Variants in SULT1C2 observed in about 807,000 individuals in gnomAD.
SULT1C2 encodes sulfotransferase 1C2.
SULT1C2 carries 27 observed loss-of-function variants against 36.0 expected under a neutral mutation model. The observed-to-expected ratio is 0.75, with a 90% CI of 0.55 to 1.03. The LOEUF (loss-of-function observed/expected upper bound fraction) is 1.03. Ranked by LOEUF, SULT1C2 falls within the 50% of genes least tolerant of loss-of-function variation. SULT1C2 has a pLI of 0.00. For synonymous variants in SULT1C2, 121 were observed against 116.0 expected, an observed-to-expected ratio of 1.04 and a Z score of -0.27; for missense variants, 395 against 359.2, an observed-to-expected ratio of 1.10 and a Z score of -0.80.
At chr2:108,305,343 A>T in intron 6 of SULT1C2, 72 bp from the exon 7 acceptor site, 1 of 1,609,874 alleles carries the variant, frequency 6.2e-7, no homozygotes, top group Non-Finnish European at 8.5e-7. Flanking sequence ...GTTTCAAAGG[A>T]CATCCCAGAG....
At chr2:108,303,845 A>G (rs1346038949) in intron 4 of SULT1C2, 1 of 152,208 alleles carries the variant, frequency 6.6e-6, no homozygotes, top group African/African-American at 2.4e-5. Flanking sequence ...AATGTCCCCT[A>G]GTGGATACAA....
chr2:108,301,481 T>C (rs938140709), intron 4 of SULT1C2: 1 of 152,018 alleles, frequency 6.6e-6, no homozygotes, highest in African/African-American at 2.4e-5. Flanking sequence ...CTCGGGAGGG[T>C]GAGGCAGGAG....
intron 1 of SULT1C2, 142 bp from the exon 2 acceptor site, chr2:108,293,505 A>G: frequency 2.8e-6 from 2 of 709,374 alleles, no homozygotes; most frequent in Non-Finnish European, 4.1e-6. Flanking sequence ...TCTAGAAAAG[A>G]TGGTTATAAT....
chr2:108,300,963 G>A (rs754358921), intron 4 of SULT1C2, 28 bp downstream of exon 4: 1 of 1,612,518 alleles, frequency 6.2e-7, no homozygotes. Context: ...CCCTGTGACA[G>A]AAGGGAAAGT....
intron 1 of SULT1C2, among the ~76,000 whole-genome samples, chr2:108,291,957 C>T (rs983340510): frequency 1.3e-5 from 2 of 152,126 alleles, no homozygotes; most frequent in African/African-American, 4.8e-5. Flanking sequence ...ATTTGTCTTT[C>T]GTTTTCCAAA....
intron 7 of SULT1C2, among the ~76,000 whole-genome samples, chr2:108,306,566 T>C (rs1272619393): frequency 1.3e-5 from 2 of 152,182 alleles, no homozygotes; most frequent in African/African-American, 4.8e-5. Flanking sequence ...ACCTTGCCAC[T>C]GTACTCCAGC....
chr2:108,293,192 A>G (rs1340490505), intron 1 of SULT1C2, among the ~76,000 whole-genome samples: 1 of 151,582 alleles, frequency 6.6e-6, no homozygotes, highest in Admixed American at 6.6e-5. Context: ...AAAAAAAAAA[A>G]AAAAAAAAAA....
intron 3 of SULT1C2, among the ~76,000 whole-genome samples, chr2:108,297,767 C>T (rs1057323928): frequency 3.9e-5 from 6 of 152,156 alleles, no homozygotes; most frequent in African/African-American, 1.4e-4. Flanking sequence ...TGGTCAACTG[C>T]TTTATGTCAA....
intron 1 of SULT1C2, among the ~76,000 whole-genome samples, chr2:108,291,193 C>A (rs1302612708): frequency 6.6e-6 from 1 of 152,180 alleles, no homozygotes; most frequent in African/African-American, 2.4e-5. Context: ...CATGCCTTGT[C>A]TTGTGTTCCC....
Position 108,308,337 on chromosome 2 carries a change from C to G in SULT1C2, c.779-15C>G. 6.3e-7 allele frequency: 1 copy of G among 1,596,446 alleles called. No individual in the cohort carries two copies. The highest frequency in any genetic ancestry group is 8.5e-7 in the Non-Finnish European group (1 of 1,173,502). On this transcript the variant is annotated splice_polypyrimidine_tract_variant and intron_variant, in intron 7 of 7. Coordinates refer to ENST00000251481, the MANE Select transcript of SULT1C2 (RefSeq NM_001056.4). ...CAATCAGAGTGACACTCCTGTCTGG[C>G]CTTCCTTTTTCTAGGAACTGTGGGG...
intron 3 of SULT1C2, chr2:108,299,815 G>T (rs573562236): frequency 1.1e-3 from 172 of 152,176 alleles, no homozygotes; most frequent in African/African-American, 4.0e-3. Flanking sequence ...ATAGCCAAAA[G>T]GTGGCAACAA....
intron 1 of SULT1C2, among the ~76,000 whole-genome samples, chr2:108,290,724 C>G (rs958878347): frequency 3.3e-5 from 5 of 152,138 alleles, no homozygotes; most frequent in African/African-American, 1.2e-4. Context: ...TGGAATCCAC[C>G]CTTATGGCCC....
At chr2:108,297,828 T>A (rs373681627) in intron 3 of SULT1C2, among the ~76,000 whole-genome samples, 1 of 134,402 alleles carries the variant, frequency 7.4e-6, no homozygotes, top group Admixed American at 7.5e-5. Context: ...GGCAGAAAAA[T>A]TTGGAGTTAG....
At chr2:108,296,074 G>A (rs972977490) in intron 3 of SULT1C2, among the ~76,000 whole-genome samples, 4 of 152,122 alleles carry the variant, frequency 2.6e-5, no homozygotes, top group Non-Finnish European at 4.4e-5. Flanking sequence ...ACAAACATGA[G>A]CCACCACACC....
At chr2:108,305,799 G>T in intron 7 of SULT1C2, 1 of 639,480 alleles carries the variant, frequency 1.6e-6, no homozygotes, top group Admixed American at 3.0e-5. Context: ...GCAAGGAACA[G>T]AGAGTCCCTC....
intron 3 of SULT1C2, among the ~76,000 whole-genome samples, chr2:108,297,026 G>A (rs1007587948): frequency 1.3e-5 from 2 of 152,188 alleles, no homozygotes; most frequent in Admixed American, 6.5e-5. Flanking sequence ...CAGAGAATTG[G>A]TTTGGAAAGA....
At position 108,305,713 on chromosome 2, in the gene SULT1C2, T is replaced by G. The variant is rs750261133; in HGVS notation, c.778+118T>G. On this transcript the variant is annotated intron_variant, in intron 7 of 7. Transcript: ENST00000251481. Reference sequence around the variant, plus strand: ...CAATGCATTTCAACTATTCCTAATATGTGTTTCTAATAAAACCAGGGATTT... The same window carrying G: ...CAATGCATTTCAACTATTCCTAATAGGTGTTTCTAATAAAACCAGGGATTT... 17 of 1,265,892 alleles carry G rather than the reference T, an allele frequency of 1.3e-5. No homozygotes were observed. In the East Asian group the frequency reaches 3.4e-4, roughly 25 times the overall value. 78.4% of individuals were successfully genotyped at this position (1,265,892 alleles called of 1,614,324 possible).
At chr2:108,292,436 AC>A (rs1260845062) in intron 1 of SULT1C2, among the ~76,000 whole-genome samples, 2 of 148,422 alleles carry the variant, frequency 1.3e-5, no homozygotes, top group East Asian at 1.9e-4. Flanking sequence ...ACACACACAC[AC>A]ACACAATGCA....
intron 3 of SULT1C2, among the ~76,000 whole-genome samples, chr2:108,297,229 TAAC>T (rs1269798047): frequency 4.6e-5 from 7 of 152,086 alleles, no homozygotes; most frequent in Admixed American, 1.3e-4. Flanking sequence ...GCAGATGATA[TAAC>T]AACAAGCATG....
Sources: gnomAD v4.1 joint callset for allele counts (sites outside exome capture counted in the v4.1 genomes callset) on GRCh38, gnomAD v4.1.1 for gene constraint, MANE v1.5 for transcripts, NCBI Gene and HGNC (gene_info 2026-07-23, HGNC 2026-07-21) for gene names.